Variants in DSC1 observed in about 807,000 individuals in gnomAD.
DSC1 encodes the protein desmocollin-1.
A neutral mutation model predicts 98.8 loss-of-function variants in DSC1; 79 were observed. The observed-to-expected ratio is 0.80, with a 90% CI of 0.67 to 0.96. DSC1 has a LOEUF of 0.96. Ranked by LOEUF, DSC1 falls within the 50% of genes least tolerant of loss-of-function variation. DSC1 has a pLI of 0.00. For synonymous variants in DSC1, 405 were observed against 372.1 expected (o/e 1.09, Z -1.02); for missense variants, 1,115 against 1,075.9 (o/e 1.04, Z -0.51).
chr18:31,153,576 G>A (rs1472275907), intron 5 of DSC1, among the ~76,000 whole-genome samples: 1 of 152,092 alleles, frequency 6.6e-6, no homozygotes, highest in East Asian at 1.9e-4. Context: ...CATCTAAAGT[G>A]GAAAATTTAT....
Position 31,159,497 on chromosome 18 carries a change from T to A in DSC1, c.96A>T (p.Lys32Asn). The A allele has an allele frequency of 6.2e-7, 1 of 1,612,404 alleles. No homozygotes were observed. Among genetic ancestry groups the A allele is most frequent in the Non-Finnish European group, 8.5e-7 (1 of 1,179,574 alleles). Residue 32 changes from lysine (K) to asparagine (N), a missense_variant, in exon 2 of 16, where the codon AAA (lysine) becomes AAT (asparagine). Lys to Asn is a moderately conservative substitution (Grantham distance 94, BLOSUM62 0). Coordinates refer to ENST00000257198, the MANE Select transcript of DSC1 (RefSeq NM_024421.2). ...GATGAGAAGGAACTCGAAGATAAAC[T>A]TTCTGACAAGCATCGCAAAGTAATG... is the stretch of plus-strand genomic sequence containing the variant. Reference protein sequence around the residue: ...VLTLLCDACQKVYLRVPSHLQ... With the variant: ...VLTLLCDACQNVYLRVPSHLQ...
chr18:31,144,936 CTTTCT>C (rs1988812172), intron 7 of DSC1, among the ~76,000 whole-genome samples: 1 of 95,310 alleles, frequency 1.0e-5, no homozygotes, highest in African/African-American at 5.1e-5. Context: ...TTTTCTTTTT[CTTTCT>C]TTTTTTTTTT....
chr18:31,150,580 C>T (rs1168191782), intron 5 of DSC1, among the ~76,000 whole-genome samples: 1 of 150,898 alleles, frequency 6.6e-6, no homozygotes, highest in Non-Finnish European at 1.5e-5. Context: ...ATCATCATCG[C>T]CACCGTCACC....
intron 11 of DSC1, among the ~76,000 whole-genome samples, chr18:31,138,578 G>A (rs185002740): frequency 1.3e-5 from 2 of 150,344 alleles, no homozygotes; most frequent in African/African-American, 2.5e-5. Context: ...AAAAAGTAGG[G>A]GTATAATATC....
intron 5 of DSC1, among the ~76,000 whole-genome samples, chr18:31,154,258 T>C (rs558186923): frequency 4.1e-5 from 6 of 146,494 alleles, no homozygotes; most frequent in Non-Finnish European, 7.5e-5. Context: ...TGCTGAAGAA[T>C]AGTGAGAGAA....
At chr18:31,149,638 T>C (rs150020035) in intron 5 of DSC1, among the ~76,000 whole-genome samples, 46 of 152,330 alleles carry the variant, frequency 3.0e-4, no homozygotes, top group African/African-American at 1.0e-3. Context: ...AGTCAGATTT[T>C]ATTGTGCTTT....
intron 11 of DSC1, among the ~76,000 whole-genome samples, chr18:31,138,347 C>A (rs7233033): frequency 0.048 from 7,259 of 152,088 alleles, 557 homozygotes; most frequent in African/African-American, 0.16. Flanking sequence ...AACTGATCGC[C>A]ACTTCTGATA....
At chr18:31,152,169 C>CAAAA (rs147500839) in intron 5 of DSC1, among the ~76,000 whole-genome samples, 15 of 150,320 alleles carry the variant, frequency 1.0e-4, no homozygotes, top group African/African-American at 3.7e-4. Flanking sequence ...ATCAAAAAAA[C>CAAAA]AACAAAAAAA....
Position 31,159,047 on chromosome 18 carries a change from G to GTTTTTTTTTTTTTTTTTTT in DSC1, c.148+397_148+398insAAAAAAAAAAAAAAAAAAA, listed in dbSNP as rs560889140. ...TTTAACTTCAAGTAGCTACTATGTG[G>GTTTTTTTTTTTTTTTTTTT]TTTTTTTTTTTTTTTTTGAGACAGA... is the stretch of plus-strand genomic sequence containing the variant. On this transcript the variant is annotated intron_variant, in intron 2 of 15. Transcript: ENST00000257198. 1.5e-4 allele frequency among the ~76,000 whole-genome samples: 11 copies of GTTTTTTTTTTTTTTTTTTT among 71,066 alleles called. 2 individuals are homozygous for GTTTTTTTTTTTTTTTTTTT. Among genetic ancestry groups the GTTTTTTTTTTTTTTTTTTT allele is most frequent in the African/African-American group, 5.2e-4 (9 of 17,186 alleles). The allele number at this position is 71,066 out of a possible 152,430, so 46.6% of individuals were successfully genotyped here.
intron 13 of DSC1, 139 bp downstream of exon 13, chr18:31,133,752 C>G: frequency 1.1e-6 from 1 of 876,918 alleles, no homozygotes; most frequent in Non-Finnish European, 1.7e-6. Context: ...ACTCAGAGCC[C>G]CAAGACATAA....
Position 31,129,724 on chromosome 18 carries a change from G to A in DSC1, c.*790C>T, listed in dbSNP as rs1044803310. On this transcript the variant is annotated 3_prime_UTR_variant, in exon 16 of 16. Coordinates refer to ENST00000257198, the MANE Select transcript of DSC1 (RefSeq NM_024421.2). Reference sequence around the variant, plus strand: ...TAGTAGTAAACCATGTTGAGCAAACGAAACATATTTGTGAGCATAAGTCAA... The same window carrying A: ...TAGTAGTAAACCATGTTGAGCAAACAAAACATATTTGTGAGCATAAGTCAA... The A allele has an allele frequency of 3.3e-5, 5 of 152,142 alleles. No individual in the cohort carries two copies. The highest frequency in any genetic ancestry group is 9.7e-5 in the African/African-American group (4 of 41,418). The allele number at this position is 152,142 out of a possible 1,614,324, so 9.4% of individuals were successfully genotyped here.
chr18:31,145,882 AAGTAGATT>A (rs1462923165), intron 6 of DSC1, 105 bp from the exon 7 acceptor site: 2 of 1,207,584 alleles, frequency 1.7e-6, no homozygotes, highest in Admixed American at 4.6e-5. Context: ...CCCAAACCAC[AAGTAGATT>A]AGTTCTACTG....
rs770773404 is a variant in DSC1 at position 31,140,225 on chromosome 18, G to A, written c.1337C>T (p.Ala446Val). The A allele has an allele frequency of 3.3e-5, 53 of 1,613,860 alleles. No individual in the cohort carries two copies. The highest frequency in any genetic ancestry group is 4.3e-5 in the Non-Finnish European group (51 of 1,179,918). The change falls in exon 10 of 16, where the codon GCG becomes GTG. Residue 446 changes from alanine (A) to valine (V), a missense_variant. Physicochemically the swap from Ala to Val is moderately conservative, Grantham distance 64. Transcript: ENST00000257198. ...VINEAQFSKA[A>V]SSQTPTMCTT... ...GCACATTGTAGGAGTTTGTGAGCTCGCTGCTTTAGAGAATTGTGCCTCGTT... is the reference window on the plus strand; with the variant it reads ...GCACATTGTAGGAGTTTGTGAGCTCACTGCTTTAGAGAATTGTGCCTCGTT...
chr18:31,145,010 G>GCTCA (rs1988816149), intron 7 of DSC1, among the ~76,000 whole-genome samples: 1 of 147,692 alleles, frequency 6.8e-6, no homozygotes, highest in Admixed American at 7.1e-5. Flanking sequence ...CGCGATCTCG[G>GCTCA]CTCACTGCAA....
chr18:31,140,235 A>G lies in DSC1; in HGVS notation c.1327T>C (p.Ser443Pro), dbSNP rs367650298. 98 of 1,614,092 alleles carry G rather than the reference A, an allele frequency of 6.1e-5. No individual in the cohort carries two copies. The highest frequency in any genetic ancestry group is 8.1e-5 in the Non-Finnish European group (95 of 1,179,954). Reference protein sequence around the residue: ...QVGVINEAQFSKAASSQTPTM... With the variant: ...QVGVINEAQFPKAASSQTPTM... ...GGAGTTTGTGAGCTCGCTGCTTTAGAGAATTGTGCCTCGTTAATGACACCA... is the reference window on the plus strand; with the variant it reads ...GGAGTTTGTGAGCTCGCTGCTTTAGGGAATTGTGCCTCGTTAATGACACCA... The change falls in exon 10 of 16, where the codon TCT becomes CCT. Residue 443 changes from serine to proline, a missense_variant. Ser to Pro is a moderately conservative substitution (Grantham distance 74). Coordinates refer to ENST00000257198, the MANE Select transcript of DSC1 (RefSeq NM_024421.2).
chr18:31,139,968 C>G (rs2144926838), intron 10 of DSC1, 74 bp downstream of exon 10: 2 of 1,564,954 alleles, frequency 1.3e-6, no homozygotes, highest in Middle Eastern at 1.7e-4. Context: ...TTGAAAAATA[C>G]ATAAAACATT....
At chr18:31,140,862 C>T (rs867432606) in intron 9 of DSC1, among the ~76,000 whole-genome samples, 6 of 152,230 alleles carry the variant, frequency 3.9e-5, no homozygotes, top group Middle Eastern at 3.4e-3. Context: ...TTGTATCTCC[C>T]AGAATTCCCA....
At position 31,154,802 on chromosome 18, in the gene DSC1, A is replaced by G. The variant is rs115175435; in HGVS notation, c.599T>C (p.Ile200Thr). 1.0e-3 allele frequency: 1,658 copies of G among 1,613,650 alleles called. 16 individuals carry two copies. The African/African-American group carries it at 0.019, about 19-fold the overall frequency. Residue 200 changes from isoleucine (I) to threonine (T), a missense_variant, in exon 5 of 16, where the codon ATT (isoleucine) becomes ACT (threonine). Ile to Thr is a moderately conservative substitution (Grantham distance 89). Transcript: ENST00000257198. ...AAACTGTTCATATTTCTCACGGTCA[A>G]TGCTCCTTGTACAAAAGATATCCCC... is the stretch of plus-strand genomic sequence containing the variant. The part of the protein sequence containing the change: ...DTGDIFCTRS[I>T]DREKYEQFAL...
At chr18:31,140,756 T>A (rs1390346488) in intron 9 of DSC1, among the ~76,000 whole-genome samples, 2 of 152,218 alleles carry the variant, frequency 1.3e-5, no homozygotes, top group African/African-American at 4.8e-5. Flanking sequence ...AACAGCACCT[T>A]TTCAAAGCAC....
Sources: gnomAD v4.1 joint callset for allele counts (sites outside exome capture counted in the v4.1 genomes callset) on GRCh38, gnomAD v4.1.1 for gene constraint, MANE v1.5 for transcripts, NCBI Gene and HGNC (gene_info 2026-07-23, HGNC 2026-07-21) for gene names.